ZNF804A: variants seen among roughly 807,000 people sequenced by gnomAD.
ZNF804A encodes zinc finger protein 804A.
In ZNF804A, 2 loss-of-function variants were observed where a neutral mutation model predicts 16.5. The observed-to-expected ratio is 0.12, with a 90% confidence interval of 0.05 to 0.38. The LOEUF is 0.38. ZNF804A is among the 10% of genes least tolerant of loss of function. The pLI is 0.99. For synonymous variants in ZNF804A, 534 were observed against 489.6 expected (o/e 1.09, Z -1.20); for missense variants, 1,473 against 1,390.7 (o/e 1.06, Z -0.94).
intron 1 of ZNF804A, among the ~76,000 whole-genome samples, chr2:184,701,158 A>G (rs2105731174): frequency 6.6e-6 from 1 of 152,090 alleles, no homozygotes; most frequent in African/African-American, 2.4e-5. Context: ...TGTTTGCCTT[A>G]CTTTAATTGC....
At chr2:184,748,799 C>T (rs1574193605) in intron 1 of ZNF804A, among the ~76,000 whole-genome samples, 1 of 151,610 alleles carries the variant, frequency 6.6e-6, no homozygotes, top group East Asian at 1.9e-4. Context: ...CGTTCTTCTG[C>T]ATATGGTTAG....
intron 1 of ZNF804A, among the ~76,000 whole-genome samples, chr2:184,801,724 C>A (rs138005664): frequency 6.6e-6 from 1 of 152,152 alleles, no homozygotes; most frequent in Non-Finnish European, 1.5e-5. Flanking sequence ...ACATTAACAA[C>A]GTAACAGCTA....
intron 1 of ZNF804A, among the ~76,000 whole-genome samples, chr2:184,640,233 G>A (rs1278653152): frequency 6.6e-6 from 1 of 151,534 alleles, no homozygotes; most frequent in Admixed American, 6.6e-5. Flanking sequence ...AGGAGGAGGA[G>A]GAGGAGGAAG....
chr2:184,619,237 T>G (rs1691379803), intron 1 of ZNF804A, among the ~76,000 whole-genome samples: 2 of 152,070 alleles, frequency 1.3e-5, no homozygotes, highest in African/African-American at 4.8e-5. Context: ...TTATATAGAT[T>G]TATGCATGTA....
chr2:184,746,381 A>ATG (rs1319010039), intron 1 of ZNF804A, among the ~76,000 whole-genome samples: 1 of 151,380 alleles, frequency 6.6e-6, no homozygotes, highest in East Asian at 1.9e-4. Flanking sequence ...CGCTACCACT[A>ATG]TGAGATCGAT....
In ZNF804A at chr2:184,776,590, G is replaced by C. The variant is rs980815683; in HGVS notation, c.112-89779G>C. ...CTTTTGAAGTAAGGCAAATTTGTCT[G>C]AGACACCTTCCATTGTCATAAAAAT... is the stretch of plus-strand genomic sequence containing the variant. On this transcript the variant is annotated intron_variant, in intron 1 of 3. Transcript: ENST00000302277. 2.0e-5 allele frequency among the ~76,000 whole-genome samples: 3 copies of C among 151,188 alleles called. No homozygotes were observed. The South Asian group carries it at 6.2e-4, about 31-fold the overall frequency.
At chr2:184,828,538 A>T (rs1163183374) in intron 1 of ZNF804A, among the ~76,000 whole-genome samples, 1 of 151,534 alleles carries the variant, frequency 6.6e-6, no homozygotes. Flanking sequence ...AAAAGATTAT[A>T]TACCTTCCCC....
At chr2:184,890,340 G>A (rs1268464162) in intron 2 of ZNF804A, among the ~76,000 whole-genome samples, 2 of 152,142 alleles carry the variant, frequency 1.3e-5, no homozygotes, top group Admixed American at 6.5e-5. Context: ...GCTGTGGGCT[G>A]CAGAAGCTCA....
chr2:184,679,546 T>G (rs1692502641), intron 1 of ZNF804A, among the ~76,000 whole-genome samples: 1 of 152,182 alleles, frequency 6.6e-6, no homozygotes, highest in Non-Finnish European at 1.5e-5. Context: ...AGGAAACCTC[T>G]GCCTCCACAG....
chr2:184,924,584 T>C (rs1269096841), intron 2 of ZNF804A, among the ~76,000 whole-genome samples: 1 of 151,712 alleles, frequency 6.6e-6, no homozygotes, highest in African/African-American at 2.4e-5. Flanking sequence ...TTTATTTTTT[T>C]TTCTTCTACT....
At chr2:184,741,680 T>G (rs1176038401) in intron 1 of ZNF804A, among the ~76,000 whole-genome samples, 1 of 152,172 alleles carries the variant, frequency 6.6e-6, no homozygotes, top group Admixed American at 6.6e-5. Context: ...GCTACACTGC[T>G]GAAGTTCTAA....
chr2:184,640,822 G>A (rs956913653), intron 1 of ZNF804A, among the ~76,000 whole-genome samples: 30 of 152,122 alleles, frequency 2.0e-4, no homozygotes, highest in Non-Finnish European at 3.5e-4. Context: ...GGCATCTCCC[G>A]TCTTGATAAT....
intron 1 of ZNF804A, among the ~76,000 whole-genome samples, chr2:184,786,362 T>A (rs1201760068): frequency 6.6e-6 from 1 of 152,046 alleles, no homozygotes; most frequent in Non-Finnish European, 1.5e-5. Context: ...ACTTTTTTTA[T>A]ATTTTGTAAG....
intron 2 of ZNF804A, among the ~76,000 whole-genome samples, chr2:184,874,713 G>A (rs1047596417): frequency 3.9e-5 from 6 of 152,006 alleles, no homozygotes; most frequent in African/African-American, 1.4e-4. Flanking sequence ...ATATTTCCAT[G>A]TCTCTTTCTC....
At chr2:184,864,021 A>G (rs1262202897) in intron 1 of ZNF804A, among the ~76,000 whole-genome samples, 1 of 152,178 alleles carries the variant, frequency 6.6e-6, no homozygotes, top group Admixed American at 6.5e-5. Flanking sequence ...AAATTAAGTT[A>G]TTTTGTGATT....
chr2:184,853,118 A>G (rs1354489420), intron 1 of ZNF804A, among the ~76,000 whole-genome samples: 1 of 151,786 alleles, frequency 6.6e-6, no homozygotes, highest in African/African-American at 2.4e-5. Flanking sequence ...AATTTCTTTC[A>G]TCAGTGCTTT....
intron 2 of ZNF804A, among the ~76,000 whole-genome samples, chr2:184,918,099 A>G (rs1371142571): frequency 6.6e-6 from 1 of 152,078 alleles, no homozygotes; most frequent in Admixed American, 6.6e-5. Flanking sequence ...GATATGCCCT[A>G]TGGGATGTCC....
At chr2:184,856,221 A>G (rs1695684426) in intron 1 of ZNF804A, among the ~76,000 whole-genome samples, 2 of 152,094 alleles carry the variant, frequency 1.3e-5, no homozygotes, top group African/African-American at 4.8e-5. Flanking sequence ...CAGATTTCTA[A>G]AACACATATT....
chr2:184,855,611 TATATACACAC>T (rs1463213731), intron 1 of ZNF804A, among the ~76,000 whole-genome samples: 3 of 142,208 alleles, frequency 2.1e-5, no homozygotes, highest in African/African-American at 5.6e-5. Flanking sequence ...CATATATATA[TATATACACAC>T]ACACACACAC....
Sources: allele counts gnomAD v4.1 joint callset (sites outside exome capture counted in the v4.1 genomes callset), GRCh38; gene constraint gnomAD v4.1.1; transcripts MANE v1.5; gene names NCBI Gene and HGNC (gene_info 2026-07-23, HGNC 2026-07-21).